The following KCNN1 variants were observed in gnomAD, a reference collection of about 807,000 sequenced individuals.
KCNN1 encodes small conductance calcium-activated potassium channel protein 1.
Under a neutral mutation model 44.7 loss-of-function variants are expected in KCNN1, and 20 were observed. The ratio of observed to expected loss-of-function variants is 0.45; its 90% CI spans 0.32 to 0.65. The LOEUF (loss-of-function observed/expected upper bound fraction) is 0.65, where lower values mean the gene tolerates loss of function less well. Among genes scored for constraint, KCNN1 ranks in the 30% least tolerant of loss-of-function variants. The probability of loss-of-function intolerance (pLI) is 0.05; values close to 1 mark genes in which losing one functional copy is unlikely to be tolerated. For synonymous variants in KCNN1, 324 were observed against 341.7 expected (o/e 0.95, Z 0.57); for missense variants, 632 against 785.3 (o/e 0.80, Z 2.33).
At chr19:17,979,350 G>A (rs2032316118) in intron 3 of KCNN1, among the ~76,000 whole-genome samples, 1 of 145,354 alleles carries the variant, frequency 6.9e-6, no homozygotes, top group Non-Finnish European at 1.5e-5. Flanking sequence ...GGAGAATGGC[G>A]TGAACCCGGG....
intron 5 of KCNN1, among the ~76,000 whole-genome samples, chr19:17,986,501 T>G (rs1265180234): frequency 6.6e-6 from 1 of 152,084 alleles, no homozygotes; most frequent in African/African-American, 2.4e-5. Context: ...CCCCGAAGGA[T>G]TCTCAAGTCT....
Position 17,976,503 on chromosome 19 carries a change from A to G in KCNN1, c.498+1316A>G, listed in dbSNP as rs973346993. ...CACGATCTCCAGCTCACCGCAACCT[A>G]CGCCTCCTGGGTTCAAGCAATTCTC... On this transcript the variant is annotated intron_variant, in intron 3 of 9. Coordinates refer to ENST00000684775, the MANE Select transcript of KCNN1 (RefSeq NM_001386974.1). 6.9e-5 allele frequency among the ~76,000 whole-genome samples: 10 copies of G among 144,746 alleles called. 1 individual carries two copies. The Admixed American group carries it at 7.1e-4, about 10-fold the overall frequency. The allele number at this position is 144,746 out of a possible 152,430, so 95.0% of individuals were successfully genotyped here.
At chr19:17,995,706 C>T (rs1315034114) in intron 9 of KCNN1, among the ~76,000 whole-genome samples, 6 of 151,996 alleles carry the variant, frequency 3.9e-5, no homozygotes, top group Admixed American at 3.9e-4. Context: ...CTGCCTCAGC[C>T]TCCTGAGTAG....
At chr19:17,955,594 A>G (rs112367466) in intron 2 of KCNN1, among the ~76,000 whole-genome samples, 1 of 149,610 alleles carries the variant, frequency 6.7e-6, no homozygotes, top group Admixed American at 6.7e-5. Context: ...GAAAGAAAAA[A>G]AATAATAATA....
chr19:17,982,237 G>C, intron 4 of KCNN1, 110 bp downstream of exon 4: 1 of 921,964 alleles, frequency 1.1e-6, no homozygotes, highest in Middle Eastern at 3.5e-4. Context: ...CCTGGCCATT[G>C]CTTCTGTCTC....
At position 17,983,424 on chromosome 19, in the gene KCNN1, G is replaced by A. The variant is rs949087659; in HGVS notation, c.917+1297G>A. On this transcript the variant is annotated intron_variant, in intron 4 of 9. Coordinates refer to ENST00000684775, the MANE Select transcript of KCNN1 (RefSeq NM_001386974.1). The surrounding 1 kb of genome is among the most constrained non-coding windows in gnomAD (Gnocchi z 4.5). ...TGAGGCCTGGCTCTCAGGGATGAAAGGCCCAGTTTCTCTGGCTGTTAAGGC... is the reference window on the plus strand; with the variant it reads ...TGAGGCCTGGCTCTCAGGGATGAAAAGCCCAGTTTCTCTGGCTGTTAAGGC... 1.3e-5 allele frequency among the ~76,000 whole-genome samples: 2 copies of A among 151,948 alleles called. No individual in the cohort carries two copies. Among genetic ancestry groups the A allele is most frequent in the African/African-American group, 4.8e-5 (2 of 41,378 alleles).
chr19:17,961,405 C>T (rs547304241), intron 2 of KCNN1, among the ~76,000 whole-genome samples: 1 of 151,890 alleles, frequency 6.6e-6, no homozygotes, highest in African/African-American at 2.4e-5. Flanking sequence ...AATGAGACCT[C>T]GTCTCTACAT....
At chr19:17,990,948 C>T (rs2032772133) in intron 7 of KCNN1, among the ~76,000 whole-genome samples, 1 of 152,122 alleles carries the variant, frequency 6.6e-6, no homozygotes, top group Non-Finnish European at 1.5e-5. Context: ...TTTTAAAAAT[C>T]CCAAGAGCCA....
chr19:17,988,639 G>GCAGC, intron 6 of KCNN1, 114 bp downstream of exon 6: 1 of 793,460 alleles, frequency 1.3e-6, no homozygotes, highest in Non-Finnish European at 2.1e-6. Context: ...GGGTTACCAT[G>GCAGC]CAGCCCCGTG....
upstream of KCNN1, among the ~76,000 whole-genome samples, chr19:17,962,247 C>A (rs1342952376): frequency 6.6e-6 from 1 of 152,116 alleles, no homozygotes; most frequent in African/African-American, 2.4e-5. Flanking sequence ...TTGGGGACTC[C>A]TTGCTTATGA....
rs2032115405 is a variant in KCNN1 at position 17,973,964 on chromosome 19, C to T, written c.76C>T (p.Pro26Ser). The T allele has an allele frequency of 1.3e-6, 2 of 1,564,124 alleles. No individual in the cohort carries two copies. Among genetic ancestry groups the T allele is most frequent in the Non-Finnish European group, 1.7e-6 (2 of 1,156,650 alleles). ...SGPGALGRDP[P>S]DPEAGHPPQP... ...GCCGGGCGCCCTGGGACGAGACCCTCCGGACCCTGAGGCCGGCCACCCCCC... is the reference window on the plus strand; with the variant it reads ...GCCGGGCGCCCTGGGACGAGACCCTTCGGACCCTGAGGCCGGCCACCCCCC... The change falls in exon 2 of 10, where the codon CCG (proline) becomes TCG (serine). Residue 26 changes from proline to serine, a missense_variant. By Grantham distance (74) the Pro-to-Ser change is moderately conservative. Transcript: ENST00000684775.
Position 17,987,983 on chromosome 19 carries a change from A to AAC in KCNN1, c.1060-412_1060-411dup, listed in dbSNP as rs34814590. On this transcript the variant is annotated intron_variant, in intron 5 of 9. Coordinates refer to ENST00000684775, the MANE Select transcript of KCNN1 (RefSeq NM_001386974.1). ...GGTGAAACCCCCCCTTTACTAAACA[A>AAC]ACACACACACACACACACACAATTA... Among the ~76,000 whole-genome samples, 164 of 148,086 alleles carry AAC rather than the reference A, an allele frequency of 1.1e-3. 1 individual carries two copies. The highest frequency in any genetic ancestry group is 4.5e-3 in the South Asian group (21 of 4,648).
chr19:17,977,937 G>T (rs1337714913), intron 3 of KCNN1, among the ~76,000 whole-genome samples: 2 of 151,968 alleles, frequency 1.3e-5, no homozygotes, highest in Admixed American at 1.3e-4. Flanking sequence ...ATGCAAATCC[G>T]CAGAGACAGA....
intron 2 of KCNN1, among the ~76,000 whole-genome samples, chr19:17,957,845 G>A (rs1217102939): frequency 2.0e-5 from 3 of 152,114 alleles, no homozygotes; most frequent in Non-Finnish European, 4.4e-5. Flanking sequence ...GGGCAGGAGT[G>A]GAGGTGGCAG....
rs1261023767 is a variant in KCNN1, at chr19:17,974,127, A to C, written c.239A>C (p.Gln80Pro). ...GATGAGGAAGATGAGGCCGGCAGGC[A>C]GAGAGCCTCGGGGAAACCCTCAAAT... ...EDDEEDEAGR[Q>P]RASGKPSNVG... Residue 80 changes from glutamine to proline, a missense_variant, in exon 2 of 10, where the codon CAG becomes CCG. By Grantham distance (76) the Gln-to-Pro change is moderately conservative. Around this residue, in one of 3 missense-constraint regions of KCNN1, gnomAD observed 235 missense variants for 224.0 expected, o/e 1.05. Coordinates refer to ENST00000684775, the MANE Select transcript of KCNN1 (RefSeq NM_001386974.1). The surrounding 1 kb of genome is among the most constrained non-coding windows in gnomAD (Gnocchi z 7.3). 2 of 1,613,110 alleles carry C rather than the reference A, an allele frequency of 1.2e-6. No individual in the cohort carries two copies. The highest frequency in any genetic ancestry group is 8.5e-7 in the Non-Finnish European group (1 of 1,179,858).
rs75754669 is a variant in KCNN1, at chr19:17,973,966, G to A, written c.78G>A (p.Pro26=). The change falls in exon 2 of 10, where the codon CCG becomes CCA. Residue 26 remains proline, a synonymous_variant. Transcript: ENST00000684775. ...SGPGALGRDP[P]DPEAGHPPQP... ...CGGGCGCCCTGGGACGAGACCCTCC[G>A]GACCCTGAGGCCGGCCACCCCCCAC... 2,345 of 1,565,206 alleles carry A rather than the reference G, an allele frequency of 1.5e-3. 18 individuals carry two copies. The African/African-American group carries it at 0.026, about 18-fold the overall frequency.
chr19:17,975,035 G>A, intron 2 of KCNN1, 57 bp from the exon 3 acceptor site: 3 of 1,419,326 alleles, frequency 2.1e-6, no homozygotes, highest in Non-Finnish European at 3.0e-6. Flanking sequence ...GGGGATGGGA[G>A]GGCCGCCGGC....
At chr19:17,976,234 G>A (rs1039890220) in intron 3 of KCNN1, among the ~76,000 whole-genome samples, 34 of 151,854 alleles carry the variant, frequency 2.2e-4, no homozygotes, top group African/African-American at 8.2e-4. Flanking sequence ...TTGAACCTGG[G>A]AGGCAGAGGT....
Position 17,985,347 on chromosome 19 carries a change from T to C in KCNN1, c.953T>C (p.Leu318Pro). 6.2e-7 allele frequency: 1 copy of C among 1,610,720 alleles called. No homozygotes were observed. Among genetic ancestry groups the C allele is most frequent in the Non-Finnish European group, 8.5e-7 (1 of 1,178,022 alleles). The change falls in exon 5 of 10, where the codon CTG becomes CCG. Residue 318 changes from leucine (L) to proline (P), a missense_variant. This residue lies in a region of KCNN1 where 160 missense variants were observed against 308.3 expected (regional missense o/e 0.52). Transcript: ENST00000684775. ...AAGCAGGAAGTGACCAGCAACTTCC[T>C]GGGGGCCATGTGGCTGATTTCCATC... ...HDKQEVTSNF[L>P]GAMWLISITF... is the part of the protein sequence containing the mutation.
Sources: allele counts gnomAD v4.1 joint callset (sites outside exome capture counted in the v4.1 genomes callset), GRCh38; gene constraint gnomAD v4.1.1; regional missense constraint gnomAD v4.1.1; non-coding constraint Gnocchi (gnomAD v3.1); transcripts MANE v1.5; gene names NCBI Gene and HGNC (gene_info 2026-07-23, HGNC 2026-07-21).